DACH2: variants seen among roughly 807,000 people sequenced by gnomAD.
The protein encoded by DACH2 is dachshund family transcription factor 2, also known as dachshund homolog 2.
Under a neutral mutation model 35.8 loss-of-function variants are expected in DACH2, and 17 were observed. That is an observed-to-expected ratio of 0.48 (90% CI 0.33 to 0.71). DACH2 has a LOEUF of 0.71. Among genes scored for constraint, DACH2 ranks in the 30% least tolerant of loss-of-function variants. DACH2 has a pLI of 0.02. For missense variants in DACH2, 469 were observed against 472.7 expected, an observed-to-expected ratio of 0.99 and a Z score of 0.07; for synonymous variants, 195 against 177.3, an observed-to-expected ratio of 1.10 and a Z score of -0.79.
intron 2 of DACH2, among the ~76,000 whole-genome samples, chrX:86,401,058 C>T (rs2036417902): frequency 1.8e-5 from 2 of 112,249 alleles, no homozygotes; most frequent in Admixed American, 1.9e-4. Flanking sequence ...CTTTGTTTAC[C>T]TACTCAAGCC....
intron 7 of DACH2, among the ~76,000 whole-genome samples, chrX:86,808,497 A>T (rs1434743107): frequency 9.0e-6 from 1 of 111,181 alleles, no homozygotes; most frequent in East Asian, 2.8e-4. Context: ...GCAATACTTG[A>T]GGAGTCATTG....
At chrX:86,622,789 T>C (rs1007169451) in intron 3 of DACH2, among the ~76,000 whole-genome samples, 4 of 111,900 alleles carry the variant, frequency 3.6e-5, no homozygotes, top group African/African-American at 1.3e-4. Context: ...GAAAGGATCA[T>C]GCATTTTTCA....
chrX:86,319,244 T>C (rs1405159353), intron 1 of DACH2, among the ~76,000 whole-genome samples: 1 of 112,590 alleles, frequency 8.9e-6, no homozygotes, highest in Non-Finnish European at 1.9e-5. Context: ...TTTACAATCT[T>C]TTCACAATTT....
intron 6 of DACH2, among the ~76,000 whole-genome samples, chrX:86,720,701 T>G (rs1281953586): frequency 8.9e-6 from 1 of 112,063 alleles, no homozygotes; most frequent in East Asian, 2.9e-4. Flanking sequence ...CATTCCATGG[T>G]CTGGAAAACA....
intron 1 of DACH2, among the ~76,000 whole-genome samples, chrX:86,298,759 G>A (rs1404715063): frequency 1.8e-5 from 2 of 112,085 alleles, no homozygotes; most frequent in African/African-American, 6.5e-5. Flanking sequence ...AAAGGTTTCA[G>A]AGTTCAGGTC....
At chrX:86,551,957 C>A (rs766780065) in intron 3 of DACH2, among the ~76,000 whole-genome samples, 2 of 111,376 alleles carry the variant, frequency 1.8e-5, no homozygotes, top group East Asian at 5.7e-4. Context: ...GATTTATTTT[C>A]CTGAGATATT....
intron 2 of DACH2, among the ~76,000 whole-genome samples, chrX:86,419,682 G>A (rs1283759807): frequency 8.9e-6 from 1 of 111,988 alleles, no homozygotes; most frequent in Non-Finnish European, 1.9e-5. Context: ...CTTTTGTGAT[G>A]TAGAATGTGA....
chrX:86,679,476 G>A (rs1187647888), intron 4 of DACH2, among the ~76,000 whole-genome samples: 1 of 111,579 alleles, frequency 9.0e-6, no homozygotes, highest in African/African-American at 3.3e-5. Flanking sequence ...ACTTTAAAAT[G>A]CCAATAGTTT....
intron 3 of DACH2, among the ~76,000 whole-genome samples, chrX:86,566,584 T>C (rs1337956133): frequency 9.0e-6 from 1 of 111,657 alleles, no homozygotes; most frequent in Non-Finnish European, 1.9e-5. Flanking sequence ...ATTATACTGC[T>C]TATGTAGATA....
chrX:86,582,260 G>T (rs2039511132), intron 3 of DACH2, among the ~76,000 whole-genome samples: 1 of 111,056 alleles, frequency 9.0e-6, no homozygotes, highest in Non-Finnish European at 1.9e-5. Flanking sequence ...AAGTTAAAAA[G>T]ATCTGAAGTT....
rs761957947 is a variant in DACH2 at position 86,320,015 on chromosome X, G to C, written c.489-56809G>C. On this transcript the variant is annotated intron_variant, in intron 1 of 11. Coordinates refer to ENST00000373125, the MANE Select transcript of DACH2 (RefSeq NM_053281.3). ...CAAGCATAGCCAGAAGACAAAGACA[G>C]ATTTTGAGAGGTATTAATTCACCTC... Among the ~76,000 whole-genome samples, 11 of 111,757 alleles carry C rather than the reference G, an allele frequency of 9.8e-5. No homozygotes were observed. The South Asian group carries it at 3.3e-3, about 34-fold the overall frequency.
intron 7 of DACH2, among the ~76,000 whole-genome samples, chrX:86,811,059 T>C (rs2042390592): frequency 8.9e-6 from 1 of 112,240 alleles, no homozygotes; most frequent in African/African-American, 3.2e-5. Flanking sequence ...AAATTAATGG[T>C]ATAGTTCATG....
intron 1 of DACH2, among the ~76,000 whole-genome samples, chrX:86,356,333 G>C (rs1461216859): frequency 9.0e-6 from 1 of 111,541 alleles, no homozygotes; most frequent in Non-Finnish European, 1.9e-5. Flanking sequence ...TTGAAGATCA[G>C]ATGGTTGTAG....
intron 2 of DACH2, chrX:86,512,858 G>T (rs1283942466): frequency 9.3e-6 from 3 of 324,091 alleles, no homozygotes; most frequent in South Asian, 8.1e-5. Context: ...ATAAAATAGG[G>T]CAAAGGCAAA....
intron 1 of DACH2, among the ~76,000 whole-genome samples, chrX:86,362,369 C>T (rs185865387): frequency 4.2e-4 from 46 of 110,475 alleles, no homozygotes; most frequent in Admixed American, 2.6e-3. Context: ...ACTGAGCTGA[C>T]GGAAAAAGCA....
At chrX:86,829,058 G>A (rs2042588291) in intron 11 of DACH2, 1 of 111,842 alleles carries the variant, frequency 8.9e-6, no homozygotes, top group Non-Finnish European at 1.9e-5. Flanking sequence ...TGCCGGAATG[G>A]CCACCCACTC....
chrX:86,626,275 A>T (rs934435434), intron 3 of DACH2, among the ~76,000 whole-genome samples: 1 of 112,512 alleles, frequency 8.9e-6, no homozygotes, highest in African/African-American at 3.2e-5. Flanking sequence ...CTTTGACTTG[A>T]TGTTTCATAT....
At chrX:86,704,558 G>A (rs1301941137) in intron 5 of DACH2, among the ~76,000 whole-genome samples, 1 of 111,333 alleles carries the variant, frequency 9.0e-6, no homozygotes, top group Non-Finnish European at 1.9e-5. Flanking sequence ...TCTAACAAAG[G>A]ACTAATATCC....
intron 1 of DACH2, among the ~76,000 whole-genome samples, chrX:86,371,669 A>G (rs1328334589): frequency 1.8e-5 from 2 of 110,937 alleles, no homozygotes; most frequent in Non-Finnish European, 3.8e-5. Context: ...AAATGCCTTT[A>G]AACCAGCTGC....
Sources: allele counts gnomAD v4.1 joint callset (sites outside exome capture counted in the v4.1 genomes callset), GRCh38; gene constraint gnomAD v4.1.1; transcripts MANE v1.5; gene names NCBI Gene and HGNC (gene_info 2026-07-23, HGNC 2026-07-21).